Variants in TICRR observed in about 807,000 individuals in gnomAD.
The protein encoded by TICRR is treslin.
TICRR carries 132 observed loss-of-function variants against 178.1 expected under a neutral mutation model. That is an observed-to-expected ratio of 0.74 (90% CI 0.64 to 0.86). The LOEUF (loss-of-function observed/expected upper bound fraction) is 0.86, where lower values mean the gene tolerates loss of function less well. Ranked by LOEUF, TICRR falls within the 40% of genes least tolerant of loss-of-function variation. The probability of loss-of-function intolerance (pLI) is 0.00; values close to 1 mark genes in which losing one functional copy is unlikely to be tolerated. For missense variants in TICRR, 2,587 were observed against 2,334.3 expected, an observed-to-expected ratio of 1.11 and a Z score of -2.23; for synonymous variants, 991 against 900.7, an observed-to-expected ratio of 1.10 and a Z score of -1.79.
rs779488758 is a variant in TICRR, at chr15:89,600,640, G to A, written c.2108G>A (p.Arg703Gln). The change falls in exon 9 of 22, where the codon CGA (arginine) becomes CAA (glutamine). Residue 703 changes from arginine to glutamine, a missense_variant. Physicochemically the swap from Arg to Gln is conservative, Grantham distance 43. Coordinates refer to ENST00000268138, the MANE Select transcript of TICRR (RefSeq NM_152259.4). Reference sequence around the variant, plus strand: ...CTCTTAAAAACTAGTAAAAGTCTTCGACAGAATCTAGGAAAAAAACTGGAT... The same window carrying A: ...CTCTTAAAAACTAGTAAAAGTCTTCAACAGAATCTAGGAAAAAAACTGGAT... ...SSLLKTSKSL[R>Q]QNLGKKLDKE... The A allele has an allele frequency of 4.4e-5, 70 of 1,596,658 alleles. No individual in the cohort carries two copies. The highest frequency in any genetic ancestry group is 5.5e-5 in the Non-Finnish European group (64 of 1,171,998).
intron 18 of TICRR, 24 bp from the exon 19 acceptor site, chr15:89,621,369 A>G (rs753660045): frequency 4.4e-6 from 7 of 1,586,822 alleles, no homozygotes; most frequent in African/African-American, 2.7e-5. Flanking sequence ...AGAATTAAAT[A>G]TTGTTGCTGT....
At chr15:89,597,522 C>T (rs1332655973) in intron 7 of TICRR, among the ~76,000 whole-genome samples, 1 of 124,930 alleles carries the variant, frequency 8.0e-6, no homozygotes, top group African/African-American at 3.1e-5. Context: ...AAGACTCTGT[C>T]TCAAAAAAAA....
In TICRR at chr15:89,624,409, A is replaced by G; in HGVS notation, c.4099A>G (p.Arg1367Gly). The G allele has an allele frequency of 6.2e-7, 1 of 1,614,212 alleles. No individual in the cohort carries two copies. The highest frequency in any genetic ancestry group is 1.1e-5 in the South Asian group (1 of 91,082). The stretch of plus-strand genomic sequence containing the variant: ...CTCAACTCCCCCTGAACTCTCACAG[A>G]GAGCTACATTGGACACCGTCCCTCC... ...VPSTPPELSQ[R>G]ATLDTVPPPP... The change falls in exon 20 of 22, where the codon AGA (arginine) becomes GGA (glycine). Residue 1367 changes from arginine to glycine, a missense_variant. Transcript: ENST00000268138.
intron 5 of TICRR, among the ~76,000 whole-genome samples, chr15:89,593,649 C>G (rs1425031611): frequency 6.6e-6 from 1 of 152,162 alleles, no homozygotes; most frequent in Non-Finnish European, 1.5e-5. Flanking sequence ...GAGGTTGCAG[C>G]CAGCCAAGAT....
rs778552926 is a variant in TICRR at position 89,625,680 on chromosome 15, C to G, written c.5370C>G (p.Ile1790Met). ...KEEADRGAKR[I>M]CDLREDSEVS... ...AAGCTGACCGTGGAGCCAAAAGGAT[C>G]TGTGACCTGAGAGAAGATTCAGAAG... The change falls in exon 20 of 22, where the codon ATC (isoleucine) becomes ATG (methionine). Residue 1790 changes from isoleucine (I) to methionine (M), a missense_variant. Ile to Met is a conservative substitution (Grantham distance 10). Coordinates refer to ENST00000268138, the MANE Select transcript of TICRR (RefSeq NM_152259.4). The G allele has an allele frequency of 2.5e-6, 4 of 1,613,798 alleles. No homozygotes were observed. Among genetic ancestry groups the G allele is most frequent in the Non-Finnish European group, 3.4e-6 (4 of 1,180,040 alleles).
In TICRR at chr15:89,627,443, C is replaced by T. The variant is rs942506495; in HGVS notation, c.*357C>T. The T allele has an allele frequency of 4.0e-6, 1 of 249,656 alleles. No homozygotes were observed. The highest frequency in any genetic ancestry group is 2.2e-5 in the African/African-American group (1 of 45,102). The allele number at this position is 249,656 out of a possible 1,614,324, so 15.5% of individuals were successfully genotyped here. ...ATGCAAATGGAGAAAGGCGCCCTCCCTGGGGTCCCTTGAGCTGCTGTAAGG... is the reference window on the plus strand; with the variant it reads ...ATGCAAATGGAGAAAGGCGCCCTCCTTGGGGTCCCTTGAGCTGCTGTAAGG... On this transcript the variant is annotated 3_prime_UTR_variant, in exon 22 of 22. Coordinates refer to ENST00000268138, the MANE Select transcript of TICRR (RefSeq NM_152259.4).
At chr15:89,589,766 T>C (rs1962879862) in intron 4 of TICRR, among the ~76,000 whole-genome samples, 1 of 152,132 alleles carries the variant, frequency 6.6e-6, no homozygotes, top group South Asian at 2.1e-4. Flanking sequence ...CTAAAAATAA[T>C]AGCTTTGGGA....
intron 1 of TICRR, among the ~76,000 whole-genome samples, chr15:89,580,863 C>T (rs1962711850): frequency 1.3e-5 from 2 of 152,162 alleles, no homozygotes; most frequent in African/African-American, 4.8e-5. Context: ...GAGACCCCAT[C>T]TCTACAAAAA....
At chr15:89,582,336 AAAAAG>A (rs952477453) in intron 1 of TICRR, 28 of 163,342 alleles carry the variant, frequency 1.7e-4, no homozygotes, top group African/African-American at 6.3e-4. Flanking sequence ...AAAAAAAAAA[AAAAAG>A]GTTATTTTTA....
At chr15:89,587,968 A>C (rs1962849565) in intron 4 of TICRR, among the ~76,000 whole-genome samples, 1 of 152,140 alleles carries the variant, frequency 6.6e-6, no homozygotes, top group Non-Finnish European at 1.5e-5. Context: ...CAGGGGATGG[A>C]GAGAATTGCT....
intron 1 of TICRR, among the ~76,000 whole-genome samples, 159 bp downstream of exon 1, chr15:89,576,399 C>G (rs1962615685): frequency 6.6e-6 from 1 of 152,152 alleles, no homozygotes. Flanking sequence ...GTTTTCACAA[C>G]AAAATGGGTA....
rs149201386 is a variant in TICRR, at chr15:89,586,304, C to T, written c.1411+362C>T. Among the ~76,000 whole-genome samples, 365 of 152,086 alleles carry T rather than the reference C, an allele frequency of 2.4e-3. 2 individuals are homozygous for T. The highest frequency in any genetic ancestry group is 6.8e-3 in the Middle Eastern group (2 of 294). ...TACCTAGCATAAATAAGGTTTGTATCATGTTAGTATTACAAACCTTATGTA... is the reference window on the plus strand; with the variant it reads ...TACCTAGCATAAATAAGGTTTGTATTATGTTAGTATTACAAACCTTATGTA... On this transcript the variant is annotated intron_variant, in intron 4 of 21. Coordinates refer to ENST00000268138, the MANE Select transcript of TICRR (RefSeq NM_152259.4).
rs1026207241 is a variant in TICRR, at chr15:89,624,763, G to A, written c.4453G>A (p.Val1485Met). The A allele has an allele frequency of 1.2e-6, 2 of 1,614,104 alleles. No homozygotes were observed. Among genetic ancestry groups the A allele is most frequent in the Non-Finnish European group, 1.7e-6 (2 of 1,180,044 alleles). ...IGDLKSNVLS[V>M]EEGEGLRTAD... Reference sequence around the variant, plus strand: ...TGACTTGAAAAGTAACGTCTTATCAGTGGAAGAGGGTGAGGGGCTAAGGAC... The same window carrying A: ...TGACTTGAAAAGTAACGTCTTATCAATGGAAGAGGGTGAGGGGCTAAGGAC... The change falls in exon 20 of 22, where the codon GTG (valine) becomes ATG (methionine). Residue 1485 changes from valine (V) to methionine (M), a missense_variant. Val to Met is a conservative substitution (Grantham distance 21). Transcript: ENST00000268138.
intron 4 of TICRR, among the ~76,000 whole-genome samples, chr15:89,587,016 G>A (rs1267927063): frequency 6.6e-6 from 1 of 152,230 alleles, no homozygotes; most frequent in African/African-American, 2.4e-5. Flanking sequence ...GAACCAGTCA[G>A]ACATATTACA....
At chr15:89,615,536 A>G (rs1963321761) in intron 15 of TICRR, among the ~76,000 whole-genome samples, 1 of 152,204 alleles carries the variant, frequency 6.6e-6, no homozygotes, top group South Asian at 2.1e-4. Context: ...TAATGTTCAG[A>G]GTTCTGGAAA....
chr15:89,588,933 G>C (rs147410557), intron 4 of TICRR, among the ~76,000 whole-genome samples: 1 of 152,256 alleles, frequency 6.6e-6, no homozygotes, highest in African/African-American at 2.4e-5. Context: ...AAAATGATCT[G>C]GAAGAGGCAA....
Position 89,620,590 on chromosome 15 carries a change from C to A in TICRR, c.3154+748C>A, listed in dbSNP as rs183135491. Among the ~76,000 whole-genome samples, 226 of 152,288 alleles carry A rather than the reference C, an allele frequency of 1.5e-3. 3 individuals are homozygous for A. The highest frequency in any genetic ancestry group is 5.2e-3 in the African/African-American group (218 of 41,550). On this transcript the variant is annotated intron_variant, in intron 18 of 21. Coordinates refer to ENST00000268138, the MANE Select transcript of TICRR (RefSeq NM_152259.4). Reference sequence around the variant, plus strand: ...ATAGGAGCTGGGGTTAATATGCCGTCTTACTAAAATTAAAAAAGGCAGCAG... The same window carrying A: ...ATAGGAGCTGGGGTTAATATGCCGTATTACTAAAATTAAAAAAGGCAGCAG...
At chr15:89,576,985 C>G (rs1204516707) in intron 1 of TICRR, among the ~76,000 whole-genome samples, 1 of 151,808 alleles carries the variant, frequency 6.6e-6, no homozygotes, top group African/African-American at 2.4e-5. Context: ...CTCCACCCCT[C>G]CGGGTTCAAG....
At chr15:89,590,487 G>C (rs1487750061) in intron 4 of TICRR, among the ~76,000 whole-genome samples, 1 of 152,174 alleles carries the variant, frequency 6.6e-6, no homozygotes, top group Non-Finnish European at 1.5e-5. Context: ...ATCTGGTAAA[G>C]GAAGAACTGC....
Sources: allele counts gnomAD v4.1 joint callset (sites outside exome capture counted in the v4.1 genomes callset), GRCh38; gene constraint gnomAD v4.1.1; transcripts MANE v1.5; gene names NCBI Gene and HGNC (gene_info 2026-07-23, HGNC 2026-07-21).